Variants in ZNF644 observed in about 807,000 individuals in gnomAD.
ZNF644 encodes zinc finger motif enhancer binding protein 2.
A neutral mutation model predicts 108.0 loss-of-function variants in ZNF644; 20 were observed. The observed-to-expected ratio is 0.19, with a 90% confidence interval of 0.13 to 0.27. The LOEUF (loss-of-function observed/expected upper bound fraction) is 0.27, where lower values mean the gene tolerates loss of function less well. Among genes scored for constraint, ZNF644 ranks in the 10% least tolerant of loss-of-function variants. The probability of loss-of-function intolerance (pLI) is 1.00; values close to 1 mark genes in which losing one functional copy is unlikely to be tolerated. For synonymous variants in ZNF644, 542 were observed against 539.1 expected (o/e 1.01, Z -0.08); for missense variants, 1,338 against 1,548.9 (o/e 0.86, Z 2.29).
intron 1 of ZNF644, among the ~76,000 whole-genome samples, chr1:91,014,250 T>C (rs984064489): frequency 6.6e-6 from 1 of 152,168 alleles, no homozygotes; most frequent in Admixed American, 6.5e-5. Flanking sequence ...CTATAGTTAC[T>C]ATGCCCCACA....
At chr1:90,935,274 T>G (rs917584861) in intron 4 of ZNF644, 3 of 701,806 alleles carry the variant, frequency 4.3e-6, no homozygotes, top group South Asian at 6.3e-5. Context: ...TTGCTGAAAT[T>G]CAATGGGTAT....
chr1:90,927,789 T>TTC (rs146000630), intron 4 of ZNF644, among the ~76,000 whole-genome samples: 1 of 151,222 alleles, frequency 6.6e-6, no homozygotes, highest in African/African-American at 2.4e-5. Flanking sequence ...CTTATTTTTC[T>TTC]TCTCTCTCTC....
chr1:90,919,443 A>G (rs1649175700), intron 4 of ZNF644, among the ~76,000 whole-genome samples: 1 of 152,170 alleles, frequency 6.6e-6, no homozygotes, highest in South Asian at 2.1e-4. Flanking sequence ...ACCAGTAAAC[A>G]TAGTTCCTTA....
chr1:90,958,182 G>A (rs1222536072), intron 2 of ZNF644, among the ~76,000 whole-genome samples: 1 of 131,082 alleles, frequency 7.6e-6, no homozygotes, highest in African/African-American at 2.9e-5. Context: ...GTTGCAGTAA[G>A]CTGAAATCGC....
rs541472223 is a variant in ZNF644 at position 90,928,363 on chromosome 1, G to A, written c.3688+9122C>T. On this transcript the variant is annotated intron_variant, in intron 4 of 5. Coordinates refer to ENST00000337393, the MANE Select transcript of ZNF644 (RefSeq NM_201269.3). Reference sequence around the variant, plus strand: ...GAGGAGTTTTGCTCTTGTTGCCCAGGCTGGAATGCAATGGCACAATCTCGG... The same window carrying A: ...GAGGAGTTTTGCTCTTGTTGCCCAGACTGGAATGCAATGGCACAATCTCGG... Among the ~76,000 whole-genome samples, 3 of 147,192 alleles carry A rather than the reference G, an allele frequency of 2.0e-5. No homozygotes were observed. The South Asian group carries it at 6.5e-4, about 32-fold the overall frequency.
chr1:90,942,363 T>TA (rs1364873280), intron 2 of ZNF644, among the ~76,000 whole-genome samples: 1 of 152,162 alleles, frequency 6.6e-6, no homozygotes, highest in Non-Finnish European at 1.5e-5. Flanking sequence ...ACCATGACTG[T>TA]AATGCCTACC....
chr1:90,920,718 T>C (rs1649334249), intron 4 of ZNF644, among the ~76,000 whole-genome samples: 1 of 151,972 alleles, frequency 6.6e-6, no homozygotes, highest in South Asian at 2.1e-4. Context: ...TCTGCCAGCT[T>C]ATGACTGATC....
intron 2 of ZNF644, among the ~76,000 whole-genome samples, chr1:90,973,889 G>A (rs76035024): frequency 9.6e-4 from 146 of 152,190 alleles, no homozygotes; most frequent in African/African-American, 3.5e-3. Flanking sequence ...CCCAAAATAT[G>A]GCACCTTGGC....
chr1:91,007,837 T>G (rs2101733622), intron 1 of ZNF644, among the ~76,000 whole-genome samples: 1 of 152,318 alleles, frequency 6.6e-6, no homozygotes, highest in Admixed American at 6.5e-5. Flanking sequence ...TCCATTTCCC[T>G]CTTCTCTTTC....
chr1:90,971,250 AAC>A (rs957790238), intron 2 of ZNF644, among the ~76,000 whole-genome samples: 69 of 151,704 alleles, frequency 4.5e-4, no homozygotes, highest in African/African-American at 1.6e-3. Context: ...AAATCAATGT[AAC>A]ACAGCACATT....
In ZNF644 at chr1:90,940,936, T is replaced by G; in HGVS notation, c.418A>C (p.Thr140Pro). ...GTTGGCTGATCCACAGGCTGTCCAG[T>G]GGTTAATGAAACACTGCCTTTATTC... is the stretch of plus-strand genomic sequence containing the variant. ...NMNKGSVSLTTGQPVDQPTTE... is the reference protein window; with the variant it reads ...NMNKGSVSLTPGQPVDQPTTE... Residue 140 changes from threonine (T) to proline (P), a missense_variant, in exon 3 of 6, where the codon ACT becomes CCT. Thr to Pro is a conservative substitution (Grantham distance 38). Around this residue, in one of 6 missense-constraint regions of ZNF644, gnomAD observed 464 missense variants for 457.9 expected, o/e 1.01. Transcript: ENST00000337393. 3 of 1,614,106 alleles carry G rather than the reference T, an allele frequency of 1.9e-6. No homozygotes were observed. Among genetic ancestry groups the G allele is most frequent in the Non-Finnish European group, 2.5e-6 (3 of 1,179,994 alleles).
intron 1 of ZNF644, among the ~76,000 whole-genome samples, chr1:90,996,085 T>C (rs778383723): frequency 7.9e-5 from 12 of 152,118 alleles, no homozygotes; most frequent in Non-Finnish European, 1.8e-4. Context: ...TGGCAATACA[T>C]ATATTAAAAG....
At chr1:90,999,496 A>G (rs906706021) in intron 1 of ZNF644, among the ~76,000 whole-genome samples, 2 of 152,164 alleles carry the variant, frequency 1.3e-5, no homozygotes, top group African/African-American at 2.4e-5. Flanking sequence ...AAATGCTGAG[A>G]GATTTGTCAC....
chr1:90,961,888 T>C (rs1428425963), intron 2 of ZNF644, among the ~76,000 whole-genome samples: 1 of 152,078 alleles, frequency 6.6e-6, no homozygotes, highest in Admixed American at 6.6e-5. Flanking sequence ...TAAAAACTTA[T>C]GATGCACAGA....
intron 4 of ZNF644, among the ~76,000 whole-genome samples, chr1:90,919,098 A>AT (rs1174743463): frequency 2.0e-5 from 3 of 152,148 alleles, no homozygotes; most frequent in East Asian, 1.9e-4. Flanking sequence ...AAAAAAAGGT[A>AT]TTTTTTATAG....
chr1:90,949,964 G>A (rs990941013), intron 2 of ZNF644, among the ~76,000 whole-genome samples: 2 of 150,952 alleles, frequency 1.3e-5, no homozygotes, highest in African/African-American at 4.8e-5. Flanking sequence ...CCTTTTTGTT[G>A]TTCATTTATT....
intron 1 of ZNF644, among the ~76,000 whole-genome samples, chr1:91,014,005 G>A (rs548952205): frequency 9.9e-5 from 15 of 152,132 alleles, no homozygotes; most frequent in African/African-American, 3.6e-4. Context: ...GGGCAGTGCT[G>A]ACCTATACAA....
At chr1:90,927,125 C>A (rs1174226457) in intron 4 of ZNF644, among the ~76,000 whole-genome samples, 1 of 151,854 alleles carries the variant, frequency 6.6e-6, no homozygotes, top group Non-Finnish European at 1.5e-5. Flanking sequence ...AGGGTCCATT[C>A]AAATGCTAAT....
chr1:90,939,991 G>A lies in ZNF644; in HGVS notation c.1363C>T (p.Arg455Trp), dbSNP rs775250081. 2.5e-6 allele frequency: 4 copies of A among 1,613,820 alleles called. No homozygotes were observed. The highest frequency in any genetic ancestry group is 3.4e-6 in the Non-Finnish European group (4 of 1,179,940). ...PRPYACRECG[R>W]TFRDRNSLLK... is the part of the protein sequence containing the mutation. ...AGTGAATTGCGATCTCGAAATGTCC[G>A]TCCACATTCTCTACAAGCATATGGC... The change falls in exon 3 of 6, where the codon CGG (arginine) becomes TGG (tryptophan). Residue 455 changes from arginine to tryptophan, a missense_variant. This residue lies in a region of ZNF644 where 80 missense variants were observed against 183.0 expected (regional missense o/e 0.44). Transcript: ENST00000337393.
Sources: allele counts gnomAD v4.1 joint callset (sites outside exome capture counted in the v4.1 genomes callset), GRCh38; gene constraint gnomAD v4.1.1; regional missense constraint gnomAD v4.1.1; transcripts MANE v1.5; gene names NCBI Gene and HGNC (gene_info 2026-07-23, HGNC 2026-07-21).